Variants in SGCD observed in about 807,000 individuals in gnomAD.
The protein encoded by SGCD is delta-sarcoglycan.
In SGCD, 18 loss-of-function variants were observed where a neutral mutation model predicts 36.6. The ratio of observed to expected loss-of-function variants is 0.49; its 90% CI spans 0.34 to 0.73. SGCD has a LOEUF of 0.73. Ranked by LOEUF, SGCD falls within the 30% of genes least tolerant of loss-of-function variation. The probability of loss-of-function intolerance (pLI) is 0.01; values close to 1 mark genes in which losing one functional copy is unlikely to be tolerated. For missense variants in SGCD, 387 were observed against 346.7 expected, an observed-to-expected ratio of 1.12 and a Z score of -0.92; for synonymous variants, 133 against 130.6, an observed-to-expected ratio of 1.02 and a Z score of -0.12.
chr5:156,432,465 A>T (rs1306788570), intron 3 of SGCD, among the ~76,000 whole-genome samples: 1 of 152,172 alleles, frequency 6.6e-6, no homozygotes, highest in Non-Finnish European at 1.5e-5. Context: ...AGCTTATCCA[A>T]AGTTGGCCAG....
chr5:155,842,975 A>G, the SGCD span, among the ~76,000 whole-genome samples: 1 of 152,170 alleles, frequency 6.6e-6, no homozygotes, highest in Non-Finnish European at 1.5e-5. Context: ...TATCAACTCC[A>G]TCTAAGAGTT....
intron 4 of SGCD, among the ~76,000 whole-genome samples, chr5:156,574,863 T>C (rs1480514908): frequency 2.0e-5 from 3 of 152,012 alleles, no homozygotes; most frequent in Non-Finnish European, 4.4e-5. Context: ...GGGTTTTGAC[T>C]CCCCAGAATG....
chr5:156,053,751 CA>C lies in SGCD; in HGVS notation c.-281-64123del, dbSNP rs1247540817. 1.4e-5 allele frequency among the ~76,000 whole-genome samples: 2 copies of C among 146,310 alleles called. 1 individual carries two copies. Among genetic ancestry groups the C allele is most frequent in the Admixed American group, 1.4e-4 (2 of 14,626 alleles). ...CCTTAGTGCATTCAGGCTGCTATAA[CA>C]AAATACTTTAAGCTGGGTAGTTATA... On this transcript the variant is annotated intron_variant, in intron 1 of 9. Coordinates refer to the SGCD transcript ENST00000517913.
At chr5:155,798,879 G>C in the SGCD span, among the ~76,000 whole-genome samples, 1 of 152,222 alleles carries the variant, frequency 6.6e-6, no homozygotes, top group South Asian at 2.1e-4. Flanking sequence ...ACATATGTTC[G>C]TTCCAGATGC....
chr5:156,239,610 T>C (rs1765257086), intron 3 of SGCD, among the ~76,000 whole-genome samples: 1 of 152,196 alleles, frequency 6.6e-6, no homozygotes, highest in South Asian at 2.1e-4. Context: ...TCTATCATAC[T>C]TAATATGTTA....
chr5:156,620,867 G>A (rs958288479), intron 6 of SGCD, among the ~76,000 whole-genome samples: 10 of 152,168 alleles, frequency 6.6e-5, no homozygotes, highest in Non-Finnish European at 1.0e-4. Context: ...AACTTTCCTG[G>A]CAGTGTACTG....
the SGCD span, among the ~76,000 whole-genome samples, chr5:155,786,299 A>G: frequency 6.6e-6 from 1 of 152,152 alleles, no homozygotes; most frequent in Non-Finnish European, 1.5e-5. Context: ...CATGCTTAGA[A>G]TATCTGTCTC....
chr5:156,288,378 A>G (rs1459989750), intron 3 of SGCD, among the ~76,000 whole-genome samples: 6 of 152,182 alleles, frequency 3.9e-5, no homozygotes, highest in African/African-American at 1.4e-4. Flanking sequence ...CCCAGGATGG[A>G]TGAAACATTT....
chr5:156,079,758 C>T (rs1376486694), intron 1 of SGCD, among the ~76,000 whole-genome samples: 1 of 152,152 alleles, frequency 6.6e-6, no homozygotes, highest in Non-Finnish European at 1.5e-5. Context: ...CACACCTATG[C>T]CTTTACATAT....
intron 7 of SGCD, among the ~76,000 whole-genome samples, chr5:156,699,274 G>A (rs1330891729): frequency 7.4e-6 from 1 of 135,814 alleles, no homozygotes; most frequent in African/African-American, 3.0e-5. Context: ...GAAAAGTGGA[G>A]TAGAAGAAGG....
intron 1 of SGCD, among the ~76,000 whole-genome samples, chr5:155,974,395 C>T (rs1758067991): frequency 6.6e-6 from 1 of 152,002 alleles, no homozygotes; most frequent in South Asian, 2.1e-4. Context: ...GGTATGGGAG[C>T]ATAGTGAGTT....
chr5:155,929,053 G>A (rs191296906), intron 1 of SGCD, among the ~76,000 whole-genome samples: 16 of 152,146 alleles, frequency 1.1e-4, no homozygotes, highest in Admixed American at 2.0e-4. Flanking sequence ...TAAAGTGAAC[G>A]GTAAAATCTT....
intron 7 of SGCD, among the ~76,000 whole-genome samples, chr5:156,754,127 G>A (rs1390613040): frequency 6.6e-6 from 1 of 152,132 alleles, no homozygotes; most frequent in Non-Finnish European, 1.5e-5. Flanking sequence ...GTGGGGAAAG[G>A]CAGGAGTCAT....
intron 1 of SGCD, among the ~76,000 whole-genome samples, chr5:155,989,818 A>G (rs779919601): frequency 1.3e-5 from 2 of 152,222 alleles, no homozygotes; most frequent in Non-Finnish European, 1.5e-5. Context: ...TGTTTTCTTC[A>G]TCTCATCGCC....
chr5:156,601,635 T>C (rs1761195202), intron 6 of SGCD, among the ~76,000 whole-genome samples: 1 of 152,174 alleles, frequency 6.6e-6, no homozygotes, highest in African/African-American at 2.4e-5. Flanking sequence ...GAGATGAATT[T>C]TAGAATTTTT....
At chr5:156,107,558 T>G (rs1761677728) in intron 1 of SGCD, among the ~76,000 whole-genome samples, 1 of 152,200 alleles carries the variant, frequency 6.6e-6, no homozygotes, top group South Asian at 2.1e-4. Context: ...TTAACTTAAA[T>G]GTGTATTATT....
At position 156,434,704 on chromosome 5, in the gene SGCD, A is replaced by G. The variant is rs150243724; in HGVS notation, c.193-73897A>G. ...ATTAGCCAAACTTAATGTTTCCCTAATCATTAGGCGATTGAGTTGACAGTG... is the reference window on the plus strand; with the variant it reads ...ATTAGCCAAACTTAATGTTTCCCTAGTCATTAGGCGATTGAGTTGACAGTG... On this transcript the variant is annotated intron_variant, in intron 3 of 8. Coordinates refer to ENST00000337851, the MANE Select transcript of SGCD (RefSeq NM_000337.6). Among the ~76,000 whole-genome samples the G allele has an allele frequency of 3.9e-4, 59 of 152,306 alleles. No homozygotes were observed. The East Asian group carries it at 0.01, about 26-fold the overall frequency.
chr5:156,620,560 G>T (rs1762204738), intron 6 of SGCD, among the ~76,000 whole-genome samples: 1 of 152,208 alleles, frequency 6.6e-6, no homozygotes, highest in African/African-American at 2.4e-5. Context: ...CTACAGAGGT[G>T]TTCGGGAGAA....
At chr5:155,820,458 G>A in the SGCD span, among the ~76,000 whole-genome samples, 1 of 151,976 alleles carries the variant, frequency 6.6e-6, no homozygotes, top group Middle Eastern at 3.2e-3. Flanking sequence ...TCTGGAATTC[G>A]AGACTAGCCT....
Sources: allele counts gnomAD v4.1 joint callset (sites outside exome capture counted in the v4.1 genomes callset), GRCh38; gene constraint gnomAD v4.1.1; transcripts MANE v1.5; gene names NCBI Gene and HGNC (gene_info 2026-07-23, HGNC 2026-07-21).